SETBP1: variants seen among roughly 807,000 people sequenced by gnomAD.
SETBP1 encodes SET-binding protein.
In SETBP1, 9 loss-of-function variants were observed where a neutral mutation model predicts 101.0. The observed-to-expected ratio is 0.09, with a 90% CI of 0.05 to 0.16. The LOEUF is 0.16. Among genes scored for constraint, SETBP1 ranks in the 10% least tolerant of loss-of-function variants. The probability of loss-of-function intolerance (pLI) is 1.00; values close to 1 mark genes in which losing one functional copy is unlikely to be tolerated. For missense variants in SETBP1, 1,858 were observed against 2,033.8 expected (o/e 0.91, Z 1.66); for synonymous variants, 818 against 788.5 (o/e 1.04, Z -0.63).
intron 3 of SETBP1, among the ~76,000 whole-genome samples, chr18:44,904,045 A>C (rs1209965875): frequency 6.6e-6 from 1 of 152,196 alleles, no homozygotes; most frequent in Admixed American, 6.5e-5. Context: ...CTGAGTCTAC[A>C]GCAGGCAACT....
intron 4 of SETBP1, among the ~76,000 whole-genome samples, chr18:44,964,993 A>G (rs781091853): frequency 2.0e-5 from 3 of 152,230 alleles, no homozygotes; most frequent in Non-Finnish European, 4.4e-5. Context: ...ACAGATTTCT[A>G]GATTGTGCTA....
chr18:44,727,565 C>T (rs2069741931), intron 2 of SETBP1, among the ~76,000 whole-genome samples: 2 of 152,156 alleles, frequency 1.3e-5, no homozygotes, highest in South Asian at 4.1e-4. Context: ...TTGAGATGTC[C>T]AGAATGTTCC....
chr18:44,877,785 ATTGGCAT>A (rs1329239563), intron 3 of SETBP1, among the ~76,000 whole-genome samples: 2 of 151,848 alleles, frequency 1.3e-5, no homozygotes, highest in Non-Finnish European at 2.9e-5. Flanking sequence ...TTTAACCAGT[ATTGGCAT>A]TTGGTCCTGG....
intron 3 of SETBP1, among the ~76,000 whole-genome samples, chr18:44,939,150 C>T (rs980177687): frequency 6.6e-6 from 1 of 152,042 alleles, no homozygotes; most frequent in Admixed American, 6.6e-5. Context: ...AACAAATGTA[C>T]ACAGCTGTGT....
At chr18:44,839,093 C>G (rs186086228) in intron 2 of SETBP1, among the ~76,000 whole-genome samples, 2 of 151,934 alleles carry the variant, frequency 1.3e-5, no homozygotes, top group Admixed American at 1.3e-4. Context: ...AAAAACCCAG[C>G]CTTCTCATTG....
At chr18:44,932,953 C>T (rs1259478103) in intron 3 of SETBP1, among the ~76,000 whole-genome samples, 1 of 152,218 alleles carries the variant, frequency 6.6e-6, no homozygotes, top group Non-Finnish European at 1.5e-5. Flanking sequence ...TCTCTCAGCT[C>T]GTCAAAGTCA....
rs916928115 is a variant in SETBP1 at position 45,065,296 on chromosome 18, C to G, written c.*1598C>G. The G allele has an allele frequency of 3.3e-5, 5 of 152,342 alleles. No homozygotes were observed. The highest frequency in any genetic ancestry group is 7.3e-5 in the Non-Finnish European group (5 of 68,042). The allele number at this position is 152,342 out of a possible 1,614,324, so 9.4% of individuals were successfully genotyped here. On this transcript the variant is annotated 3_prime_UTR_variant, in exon 6 of 6. Transcript: ENST00000649279. ...AATAAGTATTTTCAATTTCCTCCCT[C>G]ACTCCCTCTTACCTTCCCCAAGACA...
intron 2 of SETBP1, among the ~76,000 whole-genome samples, chr18:44,815,053 A>C (rs1054436288): frequency 6.6e-6 from 1 of 152,216 alleles, no homozygotes; most frequent in African/African-American, 2.4e-5. Context: ...TGAGGTGAGA[A>C]GATATATAGC....
At chr18:44,903,107 C>T (rs937718746) in intron 3 of SETBP1, among the ~76,000 whole-genome samples, 2 of 152,074 alleles carry the variant, frequency 1.3e-5, no homozygotes, top group African/African-American at 4.8e-5. Context: ...TTCTTAATTC[C>T]CTTACTTAAC....
chr18:44,984,261 T>C (rs371716979), intron 4 of SETBP1, among the ~76,000 whole-genome samples: 2 of 152,160 alleles, frequency 1.3e-5, no homozygotes, highest in Non-Finnish European at 2.9e-5. Context: ...ACTGGTTTTG[T>C]GGAAGACAAT....
At chr18:44,993,592 A>T (rs1169037121) in intron 4 of SETBP1, among the ~76,000 whole-genome samples, 1 of 152,068 alleles carries the variant, frequency 6.6e-6, no homozygotes. Context: ...TTTCATTTTT[A>T]AAAATGAGTC....
At chr18:44,730,294 A>G (rs560779289) in intron 2 of SETBP1, among the ~76,000 whole-genome samples, 1 of 152,366 alleles carries the variant, frequency 6.6e-6, no homozygotes, top group South Asian at 2.1e-4. Context: ...CTAAGAGTCA[A>G]TATGAGCTAA....
At chr18:44,804,257 G>GT (rs1404015571) in intron 2 of SETBP1, among the ~76,000 whole-genome samples, 4 of 152,120 alleles carry the variant, frequency 2.6e-5, no homozygotes, top group African/African-American at 9.7e-5. Flanking sequence ...TTCCATTCAG[G>GT]TTATGAGGAT....
chr18:44,940,276 C>T (rs2071057268), intron 3 of SETBP1, among the ~76,000 whole-genome samples: 1 of 152,064 alleles, frequency 6.6e-6, no homozygotes, highest in South Asian at 2.1e-4. Flanking sequence ...AGTGTATCTC[C>T]TATAAGCAGC....
At chr18:44,945,702 G>A (rs1403393423) in intron 3 of SETBP1, among the ~76,000 whole-genome samples, 5 of 152,164 alleles carry the variant, frequency 3.3e-5, no homozygotes, top group Admixed American at 3.3e-4. Context: ...GCTGTTTTAG[G>A]AGATAGTTCT....
At chr18:45,027,647 G>A (rs10502848) in intron 4 of SETBP1, among the ~76,000 whole-genome samples, 7,071 of 152,216 alleles carry the variant, frequency 0.046, 564 homozygotes, top group African/African-American at 0.16. Flanking sequence ...ACTAAGTGTA[G>A]TGCTAAGAAG....
intron 3 of SETBP1, among the ~76,000 whole-genome samples, chr18:44,895,200 G>C (rs1190728453): frequency 1.1e-5 from 1 of 92,526 alleles, no homozygotes; most frequent in Non-Finnish European, 2.3e-5. Flanking sequence ...GAGGGGAGGG[G>C]AGGGGAGGGA....
rs1285338150 is a variant in SETBP1, at chr18:44,885,847, AAAAAAAAAAC to A, written c.540+16574_540+16583del. Among the ~76,000 whole-genome samples the A allele has an allele frequency of 4.6e-3, 191 of 41,618 alleles. 5 individuals carry two copies. Among genetic ancestry groups the A allele is most frequent in the Non-Finnish European group, 4.7e-3 (92 of 19,736 alleles). 27.3% of individuals were successfully genotyped at this position (41,618 alleles called of 152,430 possible). On this transcript the variant is annotated intron_variant, in intron 3 of 5. Coordinates refer to ENST00000649279, the MANE Select transcript of SETBP1 (RefSeq NM_015559.3). ...TTCACATGTGCCCATTTCATTAAAA[AAAAAAAAAAC>A]AAAAAAAAAAACAAGGTGACTTACC...
chr18:44,765,037 C>G (rs1441293771), intron 2 of SETBP1, among the ~76,000 whole-genome samples: 1 of 152,186 alleles, frequency 6.6e-6, no homozygotes, highest in Non-Finnish European at 1.5e-5. Context: ...GGGTTAGGAT[C>G]TAGCCCAGGA....
Sources: allele counts gnomAD v4.1 joint callset (sites outside exome capture counted in the v4.1 genomes callset), GRCh38; gene constraint gnomAD v4.1.1; transcripts MANE v1.5; gene names NCBI Gene and HGNC (gene_info 2026-07-23, HGNC 2026-07-21).